Variants in INTS3 observed in about 807,000 individuals in gnomAD.
INTS3 encodes the protein integrator complex subunit 3.
A neutral mutation model predicts 146.3 loss-of-function variants in INTS3; 34 were observed. The ratio of observed to expected loss-of-function variants is 0.23; its 90% confidence interval spans 0.18 to 0.31. The LOEUF is 0.31. Ranked by LOEUF, INTS3 falls within the 10% of genes least tolerant of loss-of-function variation. INTS3 has a pLI of 1.00. For synonymous variants in INTS3, 475 were observed against 494.9 expected, an observed-to-expected ratio of 0.96 and a Z score of 0.53; for missense variants, 757 against 1,304.2, an observed-to-expected ratio of 0.58 and a Z score of 6.46.
chr1:153,756,117 A>G (rs1220289427), intron 9 of INTS3, among the ~76,000 whole-genome samples: 2 of 151,082 alleles, frequency 1.3e-5, no homozygotes, highest in African/African-American at 2.4e-5. Flanking sequence ...GCTCACATCT[A>G]CAATCCCAGC....
At chr1:153,761,270 G>T (rs1204751574) in intron 13 of INTS3, 1 of 490,016 alleles carries the variant, frequency 2.0e-6, no homozygotes, top group Non-Finnish European at 3.5e-6. Context: ...CAGCACTTTG[G>T]GAGGCCAAGG....
chr1:153,774,761 CTCCTTCCCCAGTT>C lies in INTS3; in HGVS notation c.*1496_*1508del, dbSNP rs1673076875. On this transcript the variant is annotated 3_prime_UTR_variant, in exon 30 of 30. Coordinates refer to ENST00000318967, the MANE Select transcript of INTS3 (RefSeq NM_023015.5). The stretch of plus-strand genomic sequence containing the variant: ...CTGGAGGCTTCTTTTTCCTTCCTCT[CTCCTTCCCCAGTT>C]TCCTCTGTCCCAATTAAAACCAGGA... 1 of 249,838 alleles carries C rather than the reference CTCCTTCCCCAGTT, an allele frequency of 4.0e-6. No individual in the cohort carries two copies. Among genetic ancestry groups the C allele is most frequent in the African/African-American group, 2.3e-5 (1 of 43,600 alleles). 15.5% of individuals were successfully genotyped at this position (249,838 alleles called of 1,614,324 possible).
intron 3 of INTS3, among the ~76,000 whole-genome samples, chr1:153,745,735 A>G (rs966102618): frequency 1.1e-4 from 17 of 152,038 alleles, no homozygotes; most frequent in African/African-American, 4.1e-4. Context: ...TACCTCCCCC[A>G]GGATTTGGTA....
Position 153,736,396 on chromosome 1 carries a change from T to C in INTS3, c.151-4255T>C, listed in dbSNP as rs1050772953. ...TGCCACCTTATGCTCTTACACAGGA[T>C]AGACATAGGCAACCTGAGGATAATG... On this transcript the variant is annotated intron_variant, in intron 1 of 29. Transcript: ENST00000318967. Among the ~76,000 whole-genome samples, 28 of 152,188 alleles carry C rather than the reference T, an allele frequency of 1.8e-4. 1 individual carries two copies. In the East Asian group the frequency reaches 3.7e-3, roughly 20 times the overall value.
intron 18 of INTS3, 114 bp downstream of exon 18, chr1:153,764,335 T>C: frequency 1.4e-6 from 1 of 725,482 alleles, no homozygotes; most frequent in Non-Finnish European, 2.5e-6. Flanking sequence ...ACTTGGTGTT[T>C]TTATTCTCAC....
At position 153,773,329 on chromosome 1, in the gene INTS3, A is replaced by G. The variant is rs1570891403; in HGVS notation, c.*59A>G. On this transcript the variant is annotated 3_prime_UTR_variant, in exon 30 of 30. Coordinates refer to ENST00000318967, the MANE Select transcript of INTS3 (RefSeq NM_023015.5). ...CTGCCCTCTCCTTCTTGGTGATTCA[A>G]AGGTTAATAGAGGCTGAGGAGATTG... 6.8e-7 allele frequency: 1 copy of G among 1,476,806 alleles called. No individual in the cohort carries two copies. Among genetic ancestry groups the G allele is most frequent in the African/African-American group, 1.4e-5 (1 of 72,242 alleles). The allele number at this position is 1,476,806 out of a possible 1,614,324, so 91.5% of individuals were successfully genotyped here.
rs374897028 is a variant in INTS3 at position 153,754,597 on chromosome 1, G to A, written c.860-45G>A. 89 of 1,322,306 alleles carry A rather than the reference G, an allele frequency of 6.7e-5. No individual in the cohort carries two copies. In the African/African-American group the frequency reaches 1.2e-3, roughly 18 times the overall value. 81.9% of individuals were successfully genotyped at this position (1,322,306 alleles called of 1,614,324 possible). A position where few individuals can be genotyped will look rare whatever the true frequency, so the allele number is the denominator to read the frequency against. On this transcript the variant is annotated intron_variant, in intron 8 of 29. Transcript: ENST00000318967. ...CCCAACATGCCTTTCATTCTTTCTG[G>A]TCCTTAGGCTTCCTCTTTTCTCTTC... is the stretch of plus-strand genomic sequence containing the variant.
chr1:153,759,419 T>C, intron 10 of INTS3, 107 bp from the exon 11 acceptor site: 2 of 774,268 alleles, frequency 2.6e-6, no homozygotes. Flanking sequence ...GGAACTGAAT[T>C]TCATAGATGA....
intron 10 of INTS3, 119 bp from the exon 11 acceptor site, chr1:153,759,407 T>C (rs1672291451): frequency 1.4e-6 from 1 of 738,960 alleles, no homozygotes; most frequent in Non-Finnish European, 2.5e-6. Flanking sequence ...CGTGTTTCAC[T>C]AGGAACTGAA....
rs377167176 is a variant in INTS3 at position 153,764,086 on chromosome 1, A to G, written c.1822-32A>G. ...GGGGCAGGAGGGCTTGGGTGTAGGT[A>G]GTGACTCTCCCTCCCTTGTCTCATC... On this transcript the variant is annotated intron_variant, in intron 17 of 29. Transcript: ENST00000318967. The G allele has an allele frequency of 2.8e-5, 44 of 1,557,776 alleles. No homozygotes were observed. In the African/African-American group the frequency reaches 5.7e-4, roughly 20 times the overall value.
At chr1:153,737,754 C>G (rs1671358097) in intron 1 of INTS3, among the ~76,000 whole-genome samples, 1 of 152,182 alleles carries the variant, frequency 6.6e-6, no homozygotes, top group Non-Finnish European at 1.5e-5. Flanking sequence ...CCGCCTCAGC[C>G]TCCAAAAGTG....
rs1386965657 is a variant in INTS3 at position 153,770,699 on chromosome 1, C to T, written c.2518C>T (p.Leu840=). ...HLKYKEHPEA[L]SCLLLQLRRE... ...TTCCCTCACAGAGCACCCAGAGGCC[C>T]TGTCCTGCCTACTGCTTCAACTCCG... The change falls in exon 25 of 30, where the codon CTG becomes TTG. Residue 840 remains leucine, a synonymous_variant. Transcript: ENST00000318967. The T allele has an allele frequency of 1.2e-6, 2 of 1,613,886 alleles. No homozygotes were observed. The highest frequency in any genetic ancestry group is 2.2e-5 in the East Asian group (1 of 44,906).
At chr1:153,767,502 G>C (rs1483820702) in intron 20 of INTS3, 172 bp from the exon 21 acceptor site, 1 of 537,784 alleles carries the variant, frequency 1.9e-6, no homozygotes, top group Non-Finnish European at 3.1e-6. Flanking sequence ...GTATCCCCTG[G>C]TTCCCCTGAG....
intron 15 of INTS3, 28 bp from the exon 16 acceptor site, chr1:153,763,203 CTG>C: frequency 6.2e-7 from 1 of 1,614,078 alleles, no homozygotes; most frequent in Non-Finnish European, 8.5e-7. Flanking sequence ...TCTGGGCAAA[CTG>C]ACTTCTTTCC....
rs549517646 is a variant in INTS3 at position 153,769,314 on chromosome 1, C to T, written c.2313+353C>T. The stretch of plus-strand genomic sequence containing the variant: ...GACCATTTCTACTTGACCTTTTTAC[C>T]ATGCATAAGGTCCCCAAGAGGCTGT... On this transcript the variant is annotated intron_variant, in intron 22 of 29. Coordinates refer to ENST00000318967, the MANE Select transcript of INTS3 (RefSeq NM_023015.5). 1.9e-3 allele frequency among the ~76,000 whole-genome samples: 288 copies of T among 152,252 alleles called. 1 individual carries two copies. Among genetic ancestry groups the T allele is most frequent in the Non-Finnish European group, 2.4e-3 (160 of 68,006 alleles).
In INTS3 at chr1:153,772,957, A is replaced by G. The variant is rs144051536; in HGVS notation, c.2927A>G (p.Tyr976Cys). ...FSDLFSLAEE[Y>C]EDSSTKPPKS... ...GATCTCTTCTCCCTGGCGGAGGAATATGAGGACTCTTCCACCAAGCCACCC... is the reference window on the plus strand; with the variant it reads ...GATCTCTTCTCCCTGGCGGAGGAATGTGAGGACTCTTCCACCAAGCCACCC... The change falls in exon 29 of 30, where the codon TAT becomes TGT. Residue 976 changes from tyrosine (Y) to cysteine (C), a missense_variant. Tyr to Cys is a radical substitution (Grantham distance 194, BLOSUM62 -2). Transcript: ENST00000318967. This position sits in a 1 kb window ranked among gnomAD's most constrained non-coding sequence, Gnocchi z 4.6. 1.2e-6 allele frequency: 2 copies of G among 1,614,140 alleles called. No homozygotes were observed. The highest frequency in any genetic ancestry group is 1.7e-5 in the Admixed American group (1 of 60,026).
At chr1:153,758,943 CCAAAACAAAA>C (rs976480470) in intron 10 of INTS3, among the ~76,000 whole-genome samples, 9 of 151,838 alleles carry the variant, frequency 5.9e-5, no homozygotes, top group Non-Finnish European at 8.8e-5. Context: ...CCCATCTCTA[CCAAAACAAAA>C]CAAAACAAAA....
At chr1:153,768,124 A>G (rs970736039) in intron 21 of INTS3, among the ~76,000 whole-genome samples, 1 of 152,184 alleles carries the variant, frequency 6.6e-6, no homozygotes, top group Non-Finnish European at 1.5e-5. Context: ...CAGATCCCAC[A>G]AACCAGATCC....
At chr1:153,753,449 C>T (rs929351305) in intron 8 of INTS3, among the ~76,000 whole-genome samples, 1 of 151,420 alleles carries the variant, frequency 6.6e-6, no homozygotes, top group African/African-American at 2.4e-5. Flanking sequence ...CCCAGCTACT[C>T]GGGAGGCTGA....
Sources: allele counts gnomAD v4.1 joint callset (sites outside exome capture counted in the v4.1 genomes callset), GRCh38; gene constraint gnomAD v4.1.1; non-coding constraint Gnocchi (gnomAD v3.1); transcripts MANE v1.5; gene names NCBI Gene and HGNC (gene_info 2026-07-23, HGNC 2026-07-21).